Variants in IQSEC3 observed in about 807,000 individuals in gnomAD.
IQSEC3 encodes IQ motif and SEC7 domain-containing protein 3.
IQSEC3 carries 50 observed loss-of-function variants against 105.4 expected under a neutral mutation model. That is an observed-to-expected ratio of 0.47 (90% CI 0.38 to 0.60). The LOEUF (loss-of-function observed/expected upper bound fraction) is 0.60, where lower values mean the gene tolerates loss of function less well. IQSEC3 is among the 20% of genes least tolerant of loss of function. The pLI is 0.00. For synonymous variants in IQSEC3, 708 were observed against 746.0 expected, an observed-to-expected ratio of 0.95 and a Z score of 0.83; for missense variants, 1,415 against 1,630.0, an observed-to-expected ratio of 0.87 and a Z score of 2.27.
chr12:153,215 G>A (rs1271033078), intron 5 of IQSEC3, among the ~76,000 whole-genome samples: 1 of 152,118 alleles, frequency 6.6e-6, no homozygotes, highest in Non-Finnish European at 1.5e-5. Flanking sequence ...CCTGGAATGA[G>A]CAGGGCTTAT....
intron 3 of IQSEC3, among the ~76,000 whole-genome samples, chr12:131,503 G>A (rs1555085119): frequency 6.6e-6 from 1 of 152,218 alleles, no homozygotes; most frequent in Non-Finnish European, 1.5e-5. Context: ...ATGCCAGGGT[G>A]GGAGGAAGGA....
chr12:97,642 T>G (rs1555075035), intron 1 of IQSEC3, among the ~76,000 whole-genome samples: 1 of 152,116 alleles, frequency 6.6e-6, no homozygotes, highest in Non-Finnish European at 1.5e-5. Context: ...TAGTGAGACC[T>G]CTATCTCTAT....
In IQSEC3 at chr12:138,552, G is replaced by A. The variant is rs760282477; in HGVS notation, c.1189G>A (p.Glu397Lys). The A allele has an allele frequency of 4.4e-6, 7 of 1,581,828 alleles. No homozygotes were observed. Among genetic ancestry groups the A allele is most frequent in the South Asian group, 1.1e-5 (1 of 88,382 alleles). Reference sequence around the variant, plus strand: ...GCCCACCTTCGCAGGCACCCTCACCGAGCTGGAGGACTCCTTCACCGAGCA... The same window carrying A: ...GCCCACCTTCGCAGGCACCCTCACCAAGCTGGAGGACTCCTTCACCGAGCA... The part of the protein sequence containing the change: ...LPPTFAGTLT[E>K]LEDSFTEQVQ... The change falls in exon 4 of 14, where the codon GAG becomes AAG. Residue 397 changes from glutamate to lysine, a missense_variant. By Grantham distance (56) the Glu-to-Lys change is moderately conservative. This residue lies in a region of IQSEC3 where 720 missense variants were observed against 633.0 expected (regional missense o/e 1.14). Coordinates refer to ENST00000538872, the MANE Select transcript of IQSEC3 (RefSeq NM_001170738.2). The surrounding 1 kb of genome is among the most constrained non-coding windows in gnomAD (Gnocchi z 7.1).
rs888132867 is a variant in IQSEC3 at position 113,789 on chromosome 12, C to T, written c.624-11844C>T. Among the ~76,000 whole-genome samples the T allele has an allele frequency of 3.9e-5, 6 of 152,238 alleles. No individual in the cohort carries two copies. In the East Asian group the frequency reaches 9.6e-4, roughly 24 times the overall value. ...TAAAAATAGCGAAGGTCCCTTCCCT[C>T]CCCAGGTGCAGAGGAATGAGCACCA... On this transcript the variant is annotated intron_variant, in intron 2 of 13. Transcript: ENST00000538872.
At chr12:132,555 G>T (rs1555085400) in intron 3 of IQSEC3, among the ~76,000 whole-genome samples, 1 of 152,110 alleles carries the variant, frequency 6.6e-6, no homozygotes, top group Non-Finnish European at 1.5e-5. Flanking sequence ...AGCCCTACGT[G>T]GTGACATTCT....
chr12:140,961 G>C, intron 4 of IQSEC3, 163 bp from the exon 5 acceptor site: 1 of 655,156 alleles, frequency 1.5e-6, no homozygotes, highest in Non-Finnish European at 2.6e-6. Context: ...ACCATCCTCT[G>C]CGTGAGGACA....
intron 3 of IQSEC3, among the ~76,000 whole-genome samples, chr12:134,973 T>A (rs147411178): frequency 2.0e-5 from 3 of 152,074 alleles, no homozygotes; most frequent in South Asian, 4.2e-4. Context: ...CTTAAAAAAA[T>A]ACAAAAATTA....
At chr12:173,231 C>G (rs1939101855) in intron 13 of IQSEC3, among the ~76,000 whole-genome samples, 2 of 152,196 alleles carry the variant, frequency 1.3e-5, no homozygotes, top group Admixed American at 1.3e-4. Context: ...CAGTGAGGGG[C>G]TCAGGGCACC....
chr12:113,464 G>A (rs536354018), intron 2 of IQSEC3, among the ~76,000 whole-genome samples: 49 of 152,358 alleles, frequency 3.2e-4, no homozygotes, highest in African/African-American at 9.1e-4. Flanking sequence ...CTTTAAACCT[G>A]CTTCTTCCTT....
chr12:97,575 G>A (rs1199688659), intron 1 of IQSEC3, among the ~76,000 whole-genome samples: 1 of 152,308 alleles, frequency 6.6e-6, no homozygotes, highest in East Asian at 1.9e-4. Flanking sequence ...AGTGCTTTAG[G>A]AGGCCAAGAC....
Position 108,815 on chromosome 12 carries a change from T to C in IQSEC3, c.623+9601T>C, listed in dbSNP as rs1555078731. Among the ~76,000 whole-genome samples the C allele has an allele frequency of 2.6e-5, 4 of 152,332 alleles. No individual in the cohort carries two copies. In the East Asian group the frequency reaches 7.7e-4, roughly 29 times the overall value. ...CTGTGGTGCCTTCCCTGATGGGCACTCTCATCAGCAAAGGCATCCCTGGCT... is the reference window on the plus strand; with the variant it reads ...CTGTGGTGCCTTCCCTGATGGGCACCCTCATCAGCAAAGGCATCCCTGGCT... On this transcript the variant is annotated intron_variant, in intron 2 of 13. Transcript: ENST00000538872.
Position 139,289 on chromosome 12 carries a change from G to A in IQSEC3, c.1926G>A (p.Ser642=), listed in dbSNP as rs782748951. ...GCGAGAACCCAGCCAGCTGCAAGTCGCCCACGCTCTCCACCGACACCCTGC... is the reference window on the plus strand; with the variant it reads ...GCGAGAACCCAGCCAGCTGCAAGTCACCCACGCTCTCCACCGACACCCTGC... The part of the protein sequence containing the change: ...YHCENPASCK[S]PTLSTDTLRK... Residue 642 remains serine (S), a synonymous_variant, in exon 4 of 14, where the codon TCG becomes TCA. Coordinates refer to ENST00000538872, the MANE Select transcript of IQSEC3 (RefSeq NM_001170738.2). The A allele has an allele frequency of 1.2e-5, 20 of 1,606,824 alleles. No individual in the cohort carries two copies. Among genetic ancestry groups the A allele is most frequent in the Non-Finnish European group, 1.4e-5 (17 of 1,177,206 alleles).
At chr12:73,438 A>G (rs1320611385) in intron 1 of IQSEC3, among the ~76,000 whole-genome samples, 2 of 152,266 alleles carry the variant, frequency 1.3e-5, no homozygotes, top group Non-Finnish European at 2.9e-5. Context: ...AGATAAAGAA[A>G]CCAAGATGGC....
intron 2 of IQSEC3, among the ~76,000 whole-genome samples, chr12:124,439 T>C (rs1359865934): frequency 2.7e-5 from 4 of 150,568 alleles, no homozygotes; most frequent in Admixed American, 1.3e-4. Flanking sequence ...ACTGAGCACA[T>C]ACTCTGTGCT....
At chr12:82,256 T>A in intron 1 of IQSEC3, among the ~76,000 whole-genome samples, 1 of 152,192 alleles carries the variant, frequency 6.6e-6, no homozygotes, top group East Asian at 1.9e-4. Context: ...GGATACATTG[T>A]GGGTGAAATG....
At chr12:165,629 G>A in intron 10 of IQSEC3, 96 bp downstream of exon 10, 1 of 1,568,718 alleles carries the variant, frequency 6.4e-7, no homozygotes. Context: ...AGCAGAGTGG[G>A]TGGAGGCATG....
At chr12:113,649 A>G (rs1864963126) in intron 2 of IQSEC3, among the ~76,000 whole-genome samples, 1 of 152,270 alleles carries the variant, frequency 6.6e-6, no homozygotes, top group South Asian at 2.1e-4. Flanking sequence ...GAACTGACTC[A>G]TCAGAAACAA....
chr12:157,288 T>C, intron 6 of IQSEC3, 141 bp downstream of exon 6: 1 of 1,293,508 alleles, frequency 7.7e-7, no homozygotes. Context: ...GGCAGGAGGA[T>C]GGCTGGGGAG....
intron 2 of IQSEC3, among the ~76,000 whole-genome samples, chr12:105,156 G>A (rs371649073): frequency 7.9e-5 from 12 of 152,386 alleles, no homozygotes; most frequent in African/African-American, 2.9e-4. Context: ...CAAGCTCTGG[G>A]TCTCTGCCTC....
Sources: gnomAD v4.1 joint callset for allele counts (sites outside exome capture counted in the v4.1 genomes callset) on GRCh38, gnomAD v4.1.1 for gene constraint, gnomAD v4.1.1 regional missense constraint, Gnocchi (gnomAD v3.1) non-coding constraint, MANE v1.5 for transcripts, NCBI Gene and HGNC (gene_info 2026-07-23, HGNC 2026-07-21) for gene names.